The following SH3BP4 variants were observed in gnomAD, a reference collection of about 807,000 sequenced individuals.
The protein encoded by SH3BP4 is SH3 domain-binding protein 4.
SH3BP4 carries 33 observed loss-of-function variants against 65.5 expected under a neutral mutation model. The ratio of observed to expected loss-of-function variants is 0.50; its 90% CI spans 0.38 to 0.67. The LOEUF is 0.67. SH3BP4 is among the 30% of genes least tolerant of loss of function. The pLI is 0.00. For synonymous variants in SH3BP4, 552 were observed against 545.5 expected, an observed-to-expected ratio of 1.01 and a Z score of -0.17; for missense variants, 1,134 against 1,261.4, an observed-to-expected ratio of 0.90 and a Z score of 1.53.
chr2:234,991,134 T>C lies in SH3BP4; in HGVS notation c.-206-4169T>C, dbSNP rs73124271. ...GGGGGATGCAATTCCATCTATACCA[T>C]TGGGAAATGGGGTGAATAGCTGTCT... On this transcript the variant is annotated intron_variant, in intron 1 of 5. Transcript: ENST00000392011. The surrounding 1 kb of genome is among the most constrained non-coding windows in gnomAD (Gnocchi z 4.2). Among the ~76,000 whole-genome samples the C allele has an allele frequency of 5.9e-3, 891 of 152,206 alleles. 7 individuals are homozygous for C. The highest frequency in any genetic ancestry group is 0.018 in the African/African-American group (732 of 41,512).
At chr2:234,969,968 C>T (rs373893215) in intron 1 of SH3BP4, among the ~76,000 whole-genome samples, 149 of 150,500 alleles carry the variant, frequency 9.9e-4, no homozygotes, top group African/African-American at 3.5e-3. Flanking sequence ...CACACACACA[C>T]ACTCTCACAC....
intron 1 of SH3BP4, among the ~76,000 whole-genome samples, chr2:234,994,098 C>T (rs1238700176): frequency 6.6e-6 from 1 of 152,136 alleles, no homozygotes; most frequent in Non-Finnish European, 1.5e-5. Context: ...AACTATACAA[C>T]CAGATTTTCT....
intron 1 of SH3BP4, among the ~76,000 whole-genome samples, chr2:234,954,055 C>T (rs542003721): frequency 1.8e-4 from 27 of 152,074 alleles, no homozygotes; most frequent in African/African-American, 6.5e-4. Context: ...TCTGGGAGGA[C>T]GCATAAACTG....
chr2:234,977,967 T>G lies in SH3BP4; in HGVS notation c.-206-17336T>G, dbSNP rs1355206896. On this transcript the variant is annotated intron_variant, in intron 1 of 5. Transcript: ENST00000392011. The surrounding 1 kb of genome is among the most constrained non-coding windows in gnomAD (Gnocchi z 5.1). ...TTTCTATTTTATTTTATTTTTTACTTTTTTTGAGACAGAGTTTGGCTCTTG... is the reference window on the plus strand; with the variant it reads ...TTTCTATTTTATTTTATTTTTTACTGTTTTTGAGACAGAGTTTGGCTCTTG... Among the ~76,000 whole-genome samples the G allele has an allele frequency of 6.6e-6, 1 of 152,192 alleles. No homozygotes were observed. The highest frequency in any genetic ancestry group is 1.5e-5 in the Non-Finnish European group (1 of 68,032).
chr2:234,967,981 T>C lies in SH3BP4; in HGVS notation c.-207+15811T>C, dbSNP rs886381082. ...CCAGATGGTGAAGGCACCTGCTGGG[T>C]TTCCTGCCACCTGTGGAGAAGCCCG... On this transcript the variant is annotated intron_variant, in intron 1 of 5. Coordinates refer to ENST00000392011, the MANE Select transcript of SH3BP4 (RefSeq NM_014521.3). This position sits in a 1 kb window ranked among gnomAD's most constrained non-coding sequence, Gnocchi z 4.6. 6.6e-6 allele frequency among the ~76,000 whole-genome samples: 1 copy of C among 151,638 alleles called. No individual in the cohort carries two copies. Among genetic ancestry groups the C allele is most frequent in the African/African-American group, 2.4e-5 (1 of 41,248 alleles).
rs1372759548 is a variant in SH3BP4 at position 234,976,139 on chromosome 2, T to C, written c.-206-19164T>C. On this transcript the variant is annotated intron_variant, in intron 1 of 5. Coordinates refer to ENST00000392011, the MANE Select transcript of SH3BP4 (RefSeq NM_014521.3). This position sits in a 1 kb window ranked among gnomAD's most constrained non-coding sequence, Gnocchi z 4.7. ...CTAGGGACAGGGGCCCTGGCTTTCA[T>C]CTAGTGACCCCTGTGGAGGACTCCT... 6.6e-6 allele frequency among the ~76,000 whole-genome samples: 1 copy of C among 152,088 alleles called. No homozygotes were observed. The highest frequency in any genetic ancestry group is 1.5e-5 in the Non-Finnish European group (1 of 68,028).
intron 1 of SH3BP4, among the ~76,000 whole-genome samples, chr2:234,959,227 C>T (rs1361420833): frequency 2.6e-5 from 4 of 152,230 alleles, no homozygotes; most frequent in Non-Finnish European, 4.4e-5. Context: ...GGAACCTGCA[C>T]CTGGGTCTGC....
At chr2:234,994,089 AC>A (rs1421574911) in intron 1 of SH3BP4, among the ~76,000 whole-genome samples, 1 of 152,192 alleles carries the variant, frequency 6.6e-6, no homozygotes, top group Admixed American at 6.5e-5. Context: ...GTAGAGATCA[AC>A]TATACAACCA....
chr2:235,051,477 A>G (rs1696052409), intron 4 of SH3BP4, among the ~76,000 whole-genome samples: 1 of 152,212 alleles, frequency 6.6e-6, no homozygotes, highest in Admixed American at 6.5e-5. Flanking sequence ...CTGGGACTTC[A>G]CTGTCCCAGC....
chr2:234,957,639 A>G (rs1163225208), intron 1 of SH3BP4, among the ~76,000 whole-genome samples: 1 of 151,806 alleles, frequency 6.6e-6, no homozygotes, highest in Non-Finnish European at 1.5e-5. Flanking sequence ...ACAACAATCC[A>G]TGTTCCAGGC....
chr2:235,019,285 G>T (rs1258520951), intron 2 of SH3BP4, among the ~76,000 whole-genome samples: 3 of 152,112 alleles, frequency 2.0e-5, no homozygotes, highest in Non-Finnish European at 4.4e-5. Flanking sequence ...ACAGCCGGGA[G>T]CAGGTAATAG....
Position 235,052,747 on chromosome 2 carries a change from C to T in SH3BP4, c.2664C>T (p.Ser888=), listed in dbSNP as rs373793835. Residue 888 remains serine (S), a synonymous_variant, in exon 5 of 6, where the codon AGC becomes AGT. Transcript: ENST00000392011. The surrounding 1 kb of genome is among the most constrained non-coding windows in gnomAD (Gnocchi z 5.0). The part of the protein sequence containing the change: ...PHRDRNGVVD[S]EAMWKPAYDF... ...GGGACAGGAACGGGGTTGTGGACAGCGAGGTGAGCAGCGGCTGAGCTTCGA... is the reference window on the plus strand; with the variant it reads ...GGGACAGGAACGGGGTTGTGGACAGTGAGGTGAGCAGCGGCTGAGCTTCGA... 6.4e-5 allele frequency: 102 copies of T among 1,588,008 alleles called. No individual in the cohort carries two copies. The highest frequency in any genetic ancestry group is 3.8e-4 in the Middle Eastern group (2 of 5,198).
rs542424733 is a variant in SH3BP4, at chr2:235,053,961, C to T, written c.*145C>T. The T allele has an allele frequency of 1.6e-5, 10 of 634,032 alleles. No individual in the cohort carries two copies. Among genetic ancestry groups the T allele is most frequent in the South Asian group, 5.7e-5 (3 of 52,442 alleles). The allele number at this position is 634,032 out of a possible 1,614,324, so 39.3% of individuals were successfully genotyped here. On this transcript the variant is annotated 3_prime_UTR_variant, in exon 6 of 6. Transcript: ENST00000392011. ...CGCCAGCTAGGCTACACCCATCATG[C>T]GCCGCCCTCCTCCATCGAGGGAGAG...
At chr2:234,965,927 G>C (rs1692823918) in intron 1 of SH3BP4, among the ~76,000 whole-genome samples, 2 of 152,218 alleles carry the variant, frequency 1.3e-5, no homozygotes. Flanking sequence ...AGGCAATGCA[G>C]TAGAGCTCGC....
At chr2:235,050,381 T>C (rs945164809) in intron 4 of SH3BP4, among the ~76,000 whole-genome samples, 5 of 152,066 alleles carry the variant, frequency 3.3e-5, no homozygotes, top group Non-Finnish European at 7.4e-5. Flanking sequence ...CCTCCCAAAG[T>C]GCTGGGATTA....
intron 1 of SH3BP4, among the ~76,000 whole-genome samples, chr2:234,957,014 C>T (rs542647445): frequency 2.6e-5 from 4 of 152,168 alleles, no homozygotes; most frequent in African/African-American, 9.6e-5. Flanking sequence ...ATATTCCCAC[C>T]ATGGCTAATT....
At chr2:235,007,378 G>C (rs560866647) in intron 2 of SH3BP4, among the ~76,000 whole-genome samples, 1 of 152,240 alleles carries the variant, frequency 6.6e-6, no homozygotes, top group African/African-American at 2.4e-5. Flanking sequence ...CACCTGGGGC[G>C]ACCTTGCCTC....
intron 4 of SH3BP4, among the ~76,000 whole-genome samples, chr2:235,043,800 G>A (rs1393173421): frequency 6.6e-6 from 1 of 152,264 alleles, no homozygotes; most frequent in African/African-American, 2.4e-5. Flanking sequence ...GTCTGTGGCT[G>A]ATGTCCCGCT....
At chr2:235,027,071 C>T (rs779488326) in intron 2 of SH3BP4, among the ~76,000 whole-genome samples, 2 of 152,212 alleles carry the variant, frequency 1.3e-5, no homozygotes, top group South Asian at 2.1e-4. Flanking sequence ...GCTAAGGTGG[C>T]GGGAAAGGTT....
Sources: allele counts gnomAD v4.1 joint callset (sites outside exome capture counted in the v4.1 genomes callset), GRCh38; gene constraint gnomAD v4.1.1; non-coding constraint Gnocchi (gnomAD v3.1); transcripts MANE v1.5; gene names NCBI Gene and HGNC (gene_info 2026-07-23, HGNC 2026-07-21).